The following KIAA0930 variants were observed in gnomAD, a reference collection of about 807,000 sequenced individuals.
The protein encoded by KIAA0930 is KIAA0930, also known as uncharacterized protein KIAA0930.
In KIAA0930, 24 loss-of-function variants were observed where a neutral mutation model predicts 43.9. That is an observed-to-expected ratio of 0.55 (90% CI 0.40 to 0.77). KIAA0930 has a LOEUF of 0.77. Ranked by LOEUF, KIAA0930 falls within the 30% of genes least tolerant of loss-of-function variation. The pLI, the probability that KIAA0930 is intolerant of heterozygous loss-of-function variation, is 0.00. For synonymous variants in KIAA0930, 259 were observed against 216.4 expected (o/e 1.20, Z -1.73); for missense variants, 461 against 574.2 (o/e 0.80, Z 2.02).
chr22:45,238,999 C>T (rs975971001), intron 1 of KIAA0930, among the ~76,000 whole-genome samples: 4 of 152,176 alleles, frequency 2.6e-5, no homozygotes, highest in African/African-American at 4.8e-5. Context: ...GTAAAGCACC[C>T]GGCACATAGT....
intron 7 of KIAA0930, among the ~76,000 whole-genome samples, chr22:45,201,838 A>G (rs576160771): frequency 6.6e-6 from 1 of 152,358 alleles, no homozygotes; most frequent in East Asian, 1.9e-4. Flanking sequence ...AACTAAAAGT[A>G]TAACAAACGC....
intron 8 of KIAA0930, among the ~76,000 whole-genome samples, chr22:45,199,274 A>G: frequency 6.6e-6 from 1 of 152,246 alleles, no homozygotes; most frequent in Non-Finnish European, 1.5e-5. Context: ...GGTGCTCAGG[A>G]GAGAGTGCAG....
chr22:45,202,850 G>A (rs549767609), intron 7 of KIAA0930, 140 bp downstream of exon 7: 38 of 691,560 alleles, frequency 5.5e-5, no homozygotes, highest in African/African-American at 4.8e-4. Context: ...CCGGGCCTCC[G>A]CACGCTCGGC....
At chr22:45,215,118 T>A (rs2083723402) in intron 1 of KIAA0930, among the ~76,000 whole-genome samples, 1 of 151,972 alleles carries the variant, frequency 6.6e-6, no homozygotes, top group Non-Finnish European at 1.5e-5. Context: ...CTCGGGAGGC[T>A]GAGGCACTAG....
intron 4 of KIAA0930, 24 bp downstream of exon 4, chr22:45,205,606 G>A: frequency 1.2e-6 from 2 of 1,608,498 alleles, no homozygotes; most frequent in South Asian, 2.2e-5. Context: ...TTAGGAGGCT[G>A]GGGGCTCTCG....
rs759747238 is a variant in KIAA0930, at chr22:45,197,820, C to T, written c.1144G>A (p.Val382Ile). The T allele has an allele frequency of 1.1e-5, 18 of 1,614,060 alleles. No homozygotes were observed. The highest frequency in any genetic ancestry group is 1.6e-4 in the Middle Eastern group (1 of 6,084). ...AAAATCCGATGCAGCGGCAACGTGA[C>T]GTAGGTTAAGTGTGCATAGAGAAGG... ...NFLLYAHLTY[V>I]TLPLHRILTD... Residue 382 changes from valine (V) to isoleucine (I), a missense_variant, in exon 9 of 10, where the codon GTC becomes ATC. Transcript: ENST00000336156.
At chr22:45,201,680 C>T (rs1193870814) in intron 7 of KIAA0930, among the ~76,000 whole-genome samples, 2 of 152,146 alleles carry the variant, frequency 1.3e-5, no homozygotes, top group African/African-American at 4.8e-5. Context: ...AATTCTCACC[C>T]ATCTTTGCAA....
chr22:45,204,899 G>A (rs371993966), intron 5 of KIAA0930, among the ~76,000 whole-genome samples: 6 of 152,124 alleles, frequency 3.9e-5, no homozygotes, highest in East Asian at 1.9e-4. Flanking sequence ...GGCTCCTCCC[G>A]CCCGGGCAGT....
intron 1 of KIAA0930, among the ~76,000 whole-genome samples, chr22:45,214,660 G>A (rs955156520): frequency 6.6e-6 from 1 of 152,116 alleles, no homozygotes; most frequent in African/African-American, 2.4e-5. Context: ...TGTAATCCCA[G>A]CACTTTGGGA....
At chr22:45,222,829 A>T (rs895886344) in intron 1 of KIAA0930, among the ~76,000 whole-genome samples, 1 of 152,236 alleles carries the variant, frequency 6.6e-6, no homozygotes, top group African/African-American at 2.4e-5. Context: ...TTAGAACACA[A>T]AAACATGCTC....
chr22:45,210,394 T>C (rs1357181404), intron 2 of KIAA0930, among the ~76,000 whole-genome samples: 1 of 152,064 alleles, frequency 6.6e-6, no homozygotes, highest in Non-Finnish European at 1.5e-5. Context: ...GTGCCCGCCA[T>C]GAGGGTCACG....
At chr22:45,215,907 A>G (rs889775703) in intron 1 of KIAA0930, among the ~76,000 whole-genome samples, 4 of 152,194 alleles carry the variant, frequency 2.6e-5, no homozygotes, top group Non-Finnish European at 4.4e-5. Flanking sequence ...GGGTGCCTGT[A>G]GTCCCAGCTA....
In KIAA0930 at chr22:45,211,036, G is replaced by A. The variant is rs137861726; in HGVS notation, c.216+920C>T. The stretch of plus-strand genomic sequence containing the variant: ...CCAAAGTGGGGCTAGCTCAGGGCTC[G>A]GGGCCAGCATGCAGGCACCCAGGCC... On this transcript the variant is annotated intron_variant, in intron 2 of 9. Transcript: ENST00000336156. Among the ~76,000 whole-genome samples, 408 of 152,236 alleles carry A rather than the reference G, an allele frequency of 2.7e-3. 11 individuals are homozygous for A. In the East Asian group the frequency reaches 0.06, roughly 22 times the overall value.
At chr22:45,239,305 A>G (rs554046805) in intron 1 of KIAA0930, among the ~76,000 whole-genome samples, 2 of 152,350 alleles carry the variant, frequency 1.3e-5, no homozygotes, top group Admixed American at 1.3e-4. Flanking sequence ...TAGGTGCTCA[A>G]TGAATGTTTG....
intron 2 of KIAA0930, 53 bp downstream of exon 2, chr22:45,211,903 C>T: frequency 6.3e-7 from 1 of 1,578,016 alleles, no homozygotes; most frequent in South Asian, 1.1e-5. Context: ...AGAGCAGACA[C>T]CACAGGGATG....
chr22:45,226,523 AC>A, intron 1 of KIAA0930: 1 of 333,762 alleles, frequency 3.0e-6, no homozygotes, highest in South Asian at 2.3e-5. Context: ...ACCTCCTGTG[AC>A]CACCGCACCT....
chr22:45,207,914 C>G (rs1278021062), intron 2 of KIAA0930: 1 of 168,806 alleles, frequency 5.9e-6, no homozygotes, highest in Non-Finnish European at 1.5e-5. Context: ...GTTCACAAGA[C>G]TCTGCTGTTC....
chr22:45,212,232 C>A (rs766285940), intron 1 of KIAA0930, 125 bp from the exon 2 acceptor site: 1 of 1,612,518 alleles, frequency 6.2e-7, no homozygotes, highest in East Asian at 2.2e-5. Context: ...CTCTGAGATG[C>A]GCCACCCTTC....
At chr22:45,206,174 C>T (rs994947803) in intron 2 of KIAA0930, among the ~76,000 whole-genome samples, 5 of 152,306 alleles carry the variant, frequency 3.3e-5, no homozygotes, top group Middle Eastern at 3.4e-3. Context: ...TGCTACCACA[C>T]CCGGCTAATT....
Sources: gnomAD v4.1 joint callset for allele counts (sites outside exome capture counted in the v4.1 genomes callset) on GRCh38, gnomAD v4.1.1 for gene constraint, MANE v1.5 for transcripts, NCBI Gene and HGNC (gene_info 2026-07-23, HGNC 2026-07-21) for gene names.